The following SYT14 variants were observed in gnomAD, a reference collection of about 807,000 sequenced individuals.
SYT14 encodes synaptotagmin-14.
A neutral mutation model predicts 74.2 loss-of-function variants in SYT14; 32 were observed. The ratio of observed to expected loss-of-function variants is 0.43; its 90% CI spans 0.33 to 0.58. The LOEUF (loss-of-function observed/expected upper bound fraction) is 0.58, where lower values mean the gene tolerates loss of function less well. Ranked by LOEUF, SYT14 falls within the 20% of genes least tolerant of loss-of-function variation. SYT14 has a pLI of 0.05. For synonymous variants in SYT14, 298 were observed against 337.7 expected, an observed-to-expected ratio of 0.88 and a Z score of 1.29; for missense variants, 791 against 981.8, an observed-to-expected ratio of 0.81 and a Z score of 2.60.
exon 10 of SYT14, chr1:210,170,091 G>A (rs189174981): frequency 5.3e-5 from 8 of 152,038 alleles, no homozygotes; most frequent in Non-Finnish European, 8.8e-5. Flanking sequence ...TAAATGCTCC[G>A]TGAGCAAAAC....
At chr1:210,030,652 TG>T (rs1399046471) in intron 5 of SYT14, among the ~76,000 whole-genome samples, 2 of 152,166 alleles carry the variant, frequency 1.3e-5, no homozygotes, top group African/African-American at 4.8e-5. Context: ...TAGGCATGCT[TG>T]GCTTTTCCTT....
At chr1:210,136,036 G>A (rs923102095) in intron 7 of SYT14, among the ~76,000 whole-genome samples, 13 of 152,124 alleles carry the variant, frequency 8.5e-5, no homozygotes, top group African/African-American at 3.1e-4. Flanking sequence ...TGAGACTTAA[G>A]CATATTTAAA....
chr1:209,947,870 C>T (rs927604075), intron 1 of SYT14, among the ~76,000 whole-genome samples: 3 of 152,216 alleles, frequency 2.0e-5, no homozygotes, highest in Non-Finnish European at 4.4e-5. Flanking sequence ...CCCCAACCTT[C>T]ATCATCCATT....
intron 5 of SYT14, among the ~76,000 whole-genome samples, chr1:210,079,752 A>G (rs771456512): frequency 4.6e-5 from 7 of 152,234 alleles, no homozygotes; most frequent in Non-Finnish European, 8.8e-5. Flanking sequence ...GAGAAAGCAA[A>G]CGAATGAGGA....
intron 5 of SYT14, among the ~76,000 whole-genome samples, chr1:210,074,115 T>A (rs941122725): frequency 2.0e-5 from 3 of 152,202 alleles, no homozygotes; most frequent in African/African-American, 4.8e-5. Flanking sequence ...AAATCTAATT[T>A]ATCTATCCTT....
At chr1:209,986,187 C>T (rs2079567191) in intron 2 of SYT14, among the ~76,000 whole-genome samples, 1 of 152,190 alleles carries the variant, frequency 6.6e-6, no homozygotes, top group Non-Finnish European at 1.5e-5. Context: ...ATTTTCCAAA[C>T]TTTTATGCTC....
exon 10 of SYT14, chr1:210,169,221 G>GTTTTGTTTTTTTTTTTTTTT (rs2083492384): frequency 2.0e-5 from 1 of 50,248 alleles, no homozygotes; most frequent in African/African-American, 7.8e-5. Flanking sequence ...TGTTTTTGGT[G>GTTTTGTTTTTTTTTTTTTTT]TTTTTTTTTT....
chr1:210,005,322 C>T (rs1339229738), intron 2 of SYT14, among the ~76,000 whole-genome samples: 2 of 151,886 alleles, frequency 1.3e-5, no homozygotes, highest in African/African-American at 4.8e-5. Flanking sequence ...TGGTATTTAT[C>T]AGAATTTTGA....
exon 4 of SYT14, chr1:210,017,049 G>A: frequency 8.1e-7 from 1 of 1,231,730 alleles, no homozygotes; most frequent in Admixed American, 4.2e-5. Context: ...GCCAAGAAAG[G>A]AACAGCAAAG....
chr1:210,103,650 A>G (rs961248018), intron 7 of SYT14, among the ~76,000 whole-genome samples: 3 of 152,114 alleles, frequency 2.0e-5, no homozygotes, highest in Non-Finnish European at 4.4e-5. Context: ...TTTAAAAAGC[A>G]TAATTTCTTT....
chr1:210,045,355 G>A (rs993193744), intron 5 of SYT14, among the ~76,000 whole-genome samples: 1 of 152,124 alleles, frequency 6.6e-6, no homozygotes, highest in African/African-American at 2.4e-5. Flanking sequence ...TTTGAATGTA[G>A]TTAATTTGTA....
At chr1:209,950,929 A>C (rs2078901837) in intron 1 of SYT14, among the ~76,000 whole-genome samples, 1 of 152,216 alleles carries the variant, frequency 6.6e-6, no homozygotes, top group South Asian at 2.1e-4. Context: ...GCTTACATTA[A>C]AGTAATGACA....
intron 7 of SYT14, among the ~76,000 whole-genome samples, chr1:210,119,397 A>G (rs898416477): frequency 2.0e-5 from 3 of 152,206 alleles, no homozygotes; most frequent in African/African-American, 7.2e-5. Flanking sequence ...TGTTCTTAGA[A>G]TAGAGTAGAA....
intron 2 of SYT14, among the ~76,000 whole-genome samples, chr1:209,979,632 G>T (rs2079443889): frequency 6.6e-6 from 1 of 152,066 alleles, no homozygotes; most frequent in Non-Finnish European, 1.5e-5. Context: ...AGGCCCCAGT[G>T]TGTGTTTTTC....
chr1:210,153,148 A>G (rs73061730), intron 7 of SYT14, among the ~76,000 whole-genome samples: 1,805 of 152,264 alleles, frequency 0.012, 46 homozygotes, highest in African/African-American at 0.041. Context: ...CTGCCAGATC[A>G]TAGGGTATGT....
chr1:209,999,139 A>G (rs1047613365), intron 2 of SYT14, among the ~76,000 whole-genome samples: 2 of 152,100 alleles, frequency 1.3e-5, no homozygotes, highest in East Asian at 3.8e-4. Context: ...ATGAATAGAC[A>G]TTTCTGAAAA....
chr1:210,141,072 A>G (rs1200055198), intron 7 of SYT14, among the ~76,000 whole-genome samples: 1 of 150,606 alleles, frequency 6.6e-6, no homozygotes, highest in African/African-American at 2.4e-5. Context: ...AAAGAAGGCC[A>G]TAGCAATTTT....
chr1:210,023,594 G>A (rs1051698872), intron 5 of SYT14, among the ~76,000 whole-genome samples: 2 of 151,756 alleles, frequency 1.3e-5, no homozygotes, highest in African/African-American at 4.9e-5. Context: ...TGCCCGCCTC[G>A]GCCTCCCAAA....
chr1:209,996,470 T>TA (rs148162429), intron 2 of SYT14, among the ~76,000 whole-genome samples: 352 of 151,964 alleles, frequency 2.3e-3, no homozygotes, highest in African/African-American at 7.8e-3. Flanking sequence ...AAAACTCTAC[T>TA]AACCAAAACA....
Sources: allele counts gnomAD v4.1 joint callset (sites outside exome capture counted in the v4.1 genomes callset), GRCh38; gene constraint gnomAD v4.1.1; transcripts MANE v1.5; gene names NCBI Gene and HGNC (gene_info 2026-07-23, HGNC 2026-07-21).